RANGAP1: variants seen among roughly 807,000 people sequenced by gnomAD.
RANGAP1 encodes the protein ran GTPase-activating protein 1.
Under a neutral mutation model 63.5 loss-of-function variants are expected in RANGAP1, and 38 were observed. The observed-to-expected ratio is 0.60, with a 90% CI of 0.46 to 0.78. The LOEUF (loss-of-function observed/expected upper bound fraction) is 0.78. RANGAP1 is among the 30% of genes least tolerant of loss of function. RANGAP1 has a pLI of 0.00. For missense variants in RANGAP1, 630 were observed against 740.3 expected (o/e 0.85, Z 1.73); for synonymous variants, 329 against 310.5 (o/e 1.06, Z -0.63).
At chr22:41,256,517 C>G (rs79651582) in intron 8 of RANGAP1, among the ~76,000 whole-genome samples, 194 bp downstream of exon 8, 3,656 of 152,314 alleles carry the variant, frequency 0.024, 152 homozygotes, top group African/African-American at 0.084. Flanking sequence ...ACACCACTCC[C>G]TGCCTCCCGC....
In RANGAP1 at chr22:41,272,531, C is replaced by CT. The variant is rs999990049; in HGVS notation, c.240+2068dup. ...GGCCACATCTCTGCTATTTTTTTTT[C>CT]TTTTTTTTGAGATGGAGTCTCGCTC... On this transcript the variant is annotated intron_variant, in intron 3 of 15. Transcript: ENST00000356244. Among the ~76,000 whole-genome samples, 8 of 150,300 alleles carry CT rather than the reference C, an allele frequency of 5.3e-5. No individual in the cohort carries two copies. In the East Asian group the frequency reaches 5.8e-4, roughly 11 times the overall value.
At chr22:41,286,283 C>G (rs1179688045), upstream of RANGAP1, 1 of 152,296 alleles carries the variant, frequency 6.6e-6, no homozygotes, top group Non-Finnish European at 1.5e-5. Context: ...TCGCCCCGCT[C>G]GCGCGGCCTC....
chr22:41,251,099 G>C lies in RANGAP1; in HGVS notation c.1391C>G (p.Ser464Cys). 6.2e-7 allele frequency: 1 copy of C among 1,613,948 alleles called. No homozygotes were observed. The highest frequency in any genetic ancestry group is 1.1e-5 in the South Asian group (1 of 91,074). The change falls in exon 13 of 16, where the codon TCT becomes TGT. Residue 464 changes from serine (S) to cysteine (C), a missense_variant. Ser to Cys is a moderately radical substitution (Grantham distance 112). Coordinates refer to ENST00000356244, the MANE Select transcript of RANGAP1 (RefSeq NM_002883.4). Reference sequence around the variant, plus strand: ...GGCAGAGACCACCTTCTCGGGGTCAGACGTGTCAGTCTGAGGACAAAAGAG... The same window carrying C: ...GGCAGAGACCACCTTCTCGGGGTCACACGTGTCAGTCTGAGGACAAAAGAG... ...SVLIAQQTDT[S>C]DPEKVVSAFL...
chr22:41,249,141 C>T (rs2033255860), intron 15 of RANGAP1, among the ~76,000 whole-genome samples, 189 bp downstream of exon 15: 1 of 152,210 alleles, frequency 6.6e-6, no homozygotes, highest in Non-Finnish European at 1.5e-5. Context: ...GGGGAGTGGG[C>T]CTCCCAAGGG....
At chr22:41,253,678 G>GAA (rs983967622) in intron 11 of RANGAP1, among the ~76,000 whole-genome samples, 1 of 149,236 alleles carries the variant, frequency 6.7e-6, no homozygotes, top group Non-Finnish European at 1.5e-5. Flanking sequence ...GGTGGGTGGG[G>GAA]AAAAAAAAAA....
intron 2 of RANGAP1, among the ~76,000 whole-genome samples, chr22:41,275,153 T>C (rs2035060500): frequency 6.6e-6 from 1 of 152,142 alleles, no homozygotes; most frequent in Admixed American, 6.6e-5. Flanking sequence ...ACTACTGTAC[T>C]ATTTTATTTT....
Position 41,253,019 on chromosome 22 carries a change from G to T in RANGAP1, c.1261-28C>A, listed in dbSNP as rs372499844. 5 of 1,419,180 alleles carry T rather than the reference G, an allele frequency of 3.5e-6. No homozygotes were observed. The African/African-American group carries it at 7.4e-5, about 21-fold the overall frequency. 87.9% of individuals were successfully genotyped at this position (1,419,180 alleles called of 1,614,324 possible). The stretch of plus-strand genomic sequence containing the variant: ...GGGAAGTAGGGGCACAGAGGCTCTG[G>T]AGAATTCCGGACCCCAGACTCCCCG... On this transcript the variant is annotated intron_variant, in intron 11 of 15. Coordinates refer to ENST00000356244, the MANE Select transcript of RANGAP1 (RefSeq NM_002883.4).
chr22:41,255,639 G>T (rs1410624044), intron 10 of RANGAP1, among the ~76,000 whole-genome samples: 1 of 149,530 alleles, frequency 6.7e-6, no homozygotes, highest in Non-Finnish European at 1.5e-5. Flanking sequence ...GCCCCGCTCA[G>T]CCCGTACGAG....
At chr22:41,274,254 G>C (rs577821518) in intron 3 of RANGAP1, among the ~76,000 whole-genome samples, 2 of 152,360 alleles carry the variant, frequency 1.3e-5, no homozygotes, top group African/African-American at 4.8e-5. Flanking sequence ...GGGTGGGTCT[G>C]TCAGAGCAGC....
intron 3 of RANGAP1, among the ~76,000 whole-genome samples, chr22:41,273,380 G>A (rs1466959596): frequency 1.3e-5 from 2 of 152,196 alleles, no homozygotes; most frequent in Non-Finnish European, 2.9e-5. Flanking sequence ...GAAGACTGGT[G>A]TTTAGGAGAA....
chr22:41,256,042 G>T lies in RANGAP1; in HGVS notation c.1052C>A (p.Ala351Asp). Residue 351 changes from alanine (A) to aspartate (D), a missense_variant, in exon 10 of 16, where the codon GCC becomes GAC. By Grantham distance (126) the Ala-to-Asp change is moderately radical. This residue lies in a region of RANGAP1 where 428 missense variants were observed against 465.5 expected (regional missense o/e 0.92). Coordinates refer to ENST00000356244, the MANE Select transcript of RANGAP1 (RefSeq NM_002883.4). ...CTACCTGAGGGACGCCAGCACCTTG[G>T]CCATGTTGAAGCCCTCCAGCACCTC... ...LQEVLEGFNM[A>D]KVLASLSDDE... The T allele has an allele frequency of 6.2e-7, 1 of 1,613,820 alleles. No homozygotes were observed.
intron 4 of RANGAP1, among the ~76,000 whole-genome samples, chr22:41,266,224 C>T (rs931054185): frequency 2.0e-5 from 3 of 151,928 alleles, no homozygotes; most frequent in African/African-American, 7.2e-5. Context: ...AAAGCCTAGC[C>T]CCTGGCGATC....
chr22:41,246,936 G>A (rs1368162189), intron 15 of RANGAP1, among the ~76,000 whole-genome samples: 1 of 152,250 alleles, frequency 6.6e-6, no homozygotes, highest in Non-Finnish European at 1.5e-5. Flanking sequence ...CCTTCCAGCA[G>A]ACATAGGCCA....
chr22:41,281,567 C>A, intron 1 of RANGAP1: 3 of 988,800 alleles, frequency 3.0e-6, no homozygotes, highest in Non-Finnish European at 3.6e-6. Context: ...ACCACCCACG[C>A]TGGCATGACT....
intron 15 of RANGAP1, among the ~76,000 whole-genome samples, chr22:41,247,627 C>T (rs1198804158): frequency 1.3e-5 from 2 of 152,366 alleles, no homozygotes; most frequent in South Asian, 2.1e-4. Context: ...GCTGGGATTA[C>T]AGATGGGAGC....
the RANGAP1 span, among the ~76,000 whole-genome samples, chr22:41,300,267 C>T: frequency 6.6e-6 from 1 of 151,880 alleles, no homozygotes; most frequent in Non-Finnish European, 1.5e-5. Context: ...GTGGTGGAAT[C>T]ACCAGACCAT....
intron 4 of RANGAP1, among the ~76,000 whole-genome samples, chr22:41,265,729 G>A (rs1017065015): frequency 6.6e-6 from 1 of 152,206 alleles, no homozygotes; most frequent in Non-Finnish European, 1.5e-5. Flanking sequence ...AGGAGGCTCT[G>A]CCAGAGACTG....
chr22:41,256,612 G>A, intron 8 of RANGAP1, 99 bp downstream of exon 8: 1 of 1,041,268 alleles, frequency 9.6e-7, no homozygotes, highest in Non-Finnish European at 1.4e-6. Context: ...CTGGGATATG[G>A]ACACAGGCCC....
At chr22:41,246,890 A>C (rs1329674432) in intron 15 of RANGAP1, among the ~76,000 whole-genome samples, 1 of 152,200 alleles carries the variant, frequency 6.6e-6, no homozygotes, top group Non-Finnish European at 1.5e-5. Context: ...AGAGCTGGCC[A>C]GAATGAAGGC....
Sources: allele counts gnomAD v4.1 joint callset (sites outside exome capture counted in the v4.1 genomes callset), GRCh38; gene constraint gnomAD v4.1.1; regional missense constraint gnomAD v4.1.1; transcripts MANE v1.5; gene names NCBI Gene and HGNC (gene_info 2026-07-23, HGNC 2026-07-21).